The following IL1RAPL2 variants were observed in gnomAD, a reference collection of about 807,000 sequenced individuals.
The protein encoded by IL1RAPL2 is interleukin 1 receptor accessory protein like 2.
A neutral mutation model predicts 44.1 loss-of-function variants in IL1RAPL2; 3 were observed. The ratio of observed to expected loss-of-function variants is 0.07; its 90% CI spans 0.03 to 0.18. The LOEUF is 0.18. IL1RAPL2 is among the 10% of genes least tolerant of loss of function. The probability of loss-of-function intolerance (pLI) is 1.00; values close to 1 mark genes in which losing one functional copy is unlikely to be tolerated. For missense variants in IL1RAPL2, 391 were observed against 496.4 expected, an observed-to-expected ratio of 0.79 and a Z score of 2.02; for synonymous variants, 181 against 178.8, an observed-to-expected ratio of 1.01 and a Z score of -0.10.
At chrX:105,151,688 C>A (rs2033229263) in intron 2 of IL1RAPL2, among the ~76,000 whole-genome samples, 1 of 109,699 alleles carries the variant, frequency 9.1e-6, no homozygotes, top group African/African-American at 3.3e-5. Context: ...TACCCAGAAC[C>A]TATGTTGTTT....
Position 104,640,221 on chromosome X carries a change from C to A in IL1RAPL2, c.-19-18674C>A, listed in dbSNP as rs140821341. 1.5e-3 allele frequency among the ~76,000 whole-genome samples: 162 copies of A among 111,700 alleles called. 1 individual carries two copies. In the East Asian group the frequency reaches 0.044, roughly 30 times the overall value. On this transcript the variant is annotated intron_variant, in intron 1 of 10. Coordinates refer to ENST00000372582, the MANE Select transcript of IL1RAPL2 (RefSeq NM_017416.2). ...TATCTGACTGGGCTATTTCAAAACA[C>A]CTGTATTCAACTTCTGAAATTCTTT...
chrX:104,963,030 G>A (rs1181450759), intron 2 of IL1RAPL2, among the ~76,000 whole-genome samples: 1 of 111,833 alleles, frequency 8.9e-6, no homozygotes, highest in African/African-American at 3.3e-5. Context: ...TAACCAGTTC[G>A]TCCCATTACA....
intron 4 of IL1RAPL2, among the ~76,000 whole-genome samples, chrX:105,242,827 C>A (rs1374369867): frequency 3.6e-5 from 4 of 111,284 alleles, no homozygotes; most frequent in Non-Finnish European, 5.7e-5. Context: ...AGGAATGGGC[C>A]GGGTGCTCAA....
chrX:105,356,172 G>C (rs1466297962), intron 5 of IL1RAPL2, among the ~76,000 whole-genome samples: 1 of 99,933 alleles, frequency 1.0e-5, no homozygotes, highest in Non-Finnish European at 1.9e-5. Context: ...ATGTGTGTGT[G>C]TGTGTGTGTG....
At chrX:105,379,452 G>GTAAAT (rs2035413075) in intron 5 of IL1RAPL2, among the ~76,000 whole-genome samples, 1 of 111,878 alleles carries the variant, frequency 8.9e-6, no homozygotes, top group Non-Finnish European at 1.9e-5. Flanking sequence ...AAAAGTAAAA[G>GTAAAT]AGATGAACAT....
chrX:104,983,281 G>GT (rs2030477534), intron 2 of IL1RAPL2, among the ~76,000 whole-genome samples: 1 of 105,764 alleles, frequency 9.5e-6, no homozygotes, highest in Admixed American at 1.1e-4. Flanking sequence ...TCACAGGGAG[G>GT]TAAAAAACAT....
intron 6 of IL1RAPL2, among the ~76,000 whole-genome samples, chrX:105,640,664 A>G (rs907883631): frequency 2.6e-4 from 20 of 77,694 alleles, no homozygotes; most frequent in African/African-American, 7.2e-4. Flanking sequence ...GTATATATAT[A>G]TATATATATA....
intron 6 of IL1RAPL2, among the ~76,000 whole-genome samples, chrX:105,702,779 AAAT>A (rs1309964073): frequency 1.9e-4 from 21 of 111,902 alleles, no homozygotes; most frequent in African/African-American, 6.8e-4. Context: ...GACTTTGGCA[AAAT>A]AATATATAAG....
At chrX:105,764,192 T>C (rs184541130) in intron 10 of IL1RAPL2, among the ~76,000 whole-genome samples, 2 of 111,494 alleles carry the variant, frequency 1.8e-5, no homozygotes, top group East Asian at 5.7e-4. Flanking sequence ...TAGCTAAGTA[T>C]AGTGGGACCT....
chrX:105,220,168 C>A (rs922489358), intron 3 of IL1RAPL2: 8 of 1,211,565 alleles, frequency 6.6e-6, no homozygotes, highest in Non-Finnish European at 8.9e-6. Flanking sequence ...GTGGGCAAAG[C>A]GCACTCCCAA....
intron 7 of IL1RAPL2, among the ~76,000 whole-genome samples, chrX:105,723,870 G>A (rs934358435): frequency 2.7e-5 from 3 of 111,672 alleles, no homozygotes; most frequent in Non-Finnish European, 5.7e-5. Context: ...ATACTATCAC[G>A]ATGGATATTA....
chrX:105,219,915 C>G, intron 3 of IL1RAPL2: 1 of 1,140,259 alleles, frequency 8.8e-7, no homozygotes, highest in Non-Finnish European at 1.2e-6. Context: ...TGGTACTGGG[C>G]AGGGACCAGT....
chrX:105,187,053 T>C (rs2033594868), intron 2 of IL1RAPL2, among the ~76,000 whole-genome samples: 1 of 111,894 alleles, frequency 8.9e-6, no homozygotes, highest in African/African-American at 3.3e-5. Flanking sequence ...GTACCTCTGC[T>C]ACCACAGTCC....
intron 6 of IL1RAPL2, among the ~76,000 whole-genome samples, chrX:105,713,646 GGCCTGTTACCCCAAA>G (rs1166960819): frequency 9.0e-6 from 1 of 111,286 alleles, no homozygotes; most frequent in Non-Finnish European, 1.9e-5. Flanking sequence ...GGATACCCCA[GGCCTGTTACCCCAAA>G]CAGTTCTGCC....
chrX:104,678,021 G>A (rs997060205), intron 2 of IL1RAPL2, among the ~76,000 whole-genome samples: 1 of 112,440 alleles, frequency 8.9e-6, no homozygotes, highest in East Asian at 2.8e-4. Flanking sequence ...AGATGAACCC[G>A]GTACCTCAGA....
In IL1RAPL2 at chrX:105,212,908, TAACA is replaced by T. The variant is rs782420891; in HGVS notation, c.356+17165_356+17168del. ...GGGACGTGACTGTTAGAAGAAAAAC[TAACA>T]AACAGAAACCAACAACATCAACATC... On this transcript the variant is annotated intron_variant, in intron 3 of 10. Transcript: ENST00000372582. 2.6e-3 allele frequency among the ~76,000 whole-genome samples: 292 copies of T among 111,906 alleles called. 1 individual carries two copies. The highest frequency in any genetic ancestry group is 9.2e-3 in the African/African-American group (283 of 30,746).
At position 104,880,889 on chromosome X, in the gene IL1RAPL2, G is replaced by T. The variant is rs758027607; in HGVS notation, c.82+221894G>T. On this transcript the variant is annotated intron_variant, in intron 2 of 10. Coordinates refer to ENST00000372582, the MANE Select transcript of IL1RAPL2 (RefSeq NM_017416.2). ...TGAGTCCCATGATTGATTTTTGTAG[G>T]CTATTAATGATTTATGTTTCACAGC... Among the ~76,000 whole-genome samples, 93 of 111,453 alleles carry T rather than the reference G, an allele frequency of 8.3e-4. 1 individual carries two copies. The highest frequency in any genetic ancestry group is 1.0e-3 in the Non-Finnish European group (53 of 53,023).
At position 105,767,408 on chromosome X, in the gene IL1RAPL2, T is replaced by C; in HGVS notation, c.1808T>C (p.Leu603Pro). Residue 603 changes from leucine to proline, a missense_variant, in exon 11 of 11, where the codon CTC (leucine) becomes CCC (proline). Around this residue, in one of 2 missense-constraint regions of IL1RAPL2, gnomAD observed 232 missense variants for 244.8 expected, o/e 0.95. Transcript: ENST00000372582. Reference protein sequence around the residue: ...SATLVSSQADLPEFHPSDSMQ... With the variant: ...SATLVSSQADPPEFHPSDSMQ... The stretch of plus-strand genomic sequence containing the variant: ...ACTCTGGTGTCATCTCAGGCTGATC[T>C]CCCTGAATTCCACCCTTCAGATTCA... 8.3e-7 allele frequency: 1 copy of C among 1,210,827 alleles called. No individual in the cohort carries two copies. The highest frequency in any genetic ancestry group is 1.1e-6 in the Non-Finnish European group (1 of 894,670).
chrX:105,744,592 A>G (rs1346317732), intron 8 of IL1RAPL2, among the ~76,000 whole-genome samples: 2 of 111,634 alleles, frequency 1.8e-5, no homozygotes, highest in African/African-American at 6.5e-5. Context: ...AGTGATCATC[A>G]TGGAGAAGAA....
Sources: gnomAD v4.1 joint callset for allele counts (sites outside exome capture counted in the v4.1 genomes callset) on GRCh38, gnomAD v4.1.1 for gene constraint, gnomAD v4.1.1 regional missense constraint, MANE v1.5 for transcripts, NCBI Gene and HGNC (gene_info 2026-07-23, HGNC 2026-07-21) for gene names.